TMEM117: variants seen among roughly 807,000 people sequenced by gnomAD.
The protein encoded by TMEM117 is transmembrane protein 117.
In TMEM117, 27 loss-of-function variants were observed where a neutral mutation model predicts 52.4. The ratio of observed to expected loss-of-function variants is 0.51; its 90% CI spans 0.38 to 0.71. The LOEUF (loss-of-function observed/expected upper bound fraction) is 0.71. Among genes scored for constraint, TMEM117 ranks in the 30% least tolerant of loss-of-function variants. The probability of loss-of-function intolerance (pLI) is 0.00; values close to 1 mark genes in which losing one functional copy is unlikely to be tolerated. For missense variants in TMEM117, 556 were observed against 630.5 expected, an observed-to-expected ratio of 0.88 and a Z score of 1.26; for synonymous variants, 215 against 206.3, an observed-to-expected ratio of 1.04 and a Z score of -0.36.
chr12:44,061,131 T>G (rs1443461033), intron 3 of TMEM117, among the ~76,000 whole-genome samples: 2 of 152,122 alleles, frequency 1.3e-5, no homozygotes, highest in Admixed American at 1.3e-4. Flanking sequence ...GAGTTGAAAA[T>G]ATTTATTGCA....
chr12:44,198,342 C>T (rs563199079), intron 4 of TMEM117, among the ~76,000 whole-genome samples: 16 of 152,158 alleles, frequency 1.1e-4, no homozygotes, highest in South Asian at 6.2e-4. Context: ...GTAATTTAAG[C>T]GCGTGCATAA....
At chr12:44,392,627 C>T (rs1409834536), downstream of TMEM117, among the ~76,000 whole-genome samples, 2 of 151,600 alleles carry the variant, frequency 1.3e-5, no homozygotes, top group South Asian at 2.1e-4. Flanking sequence ...CACCCATTAA[C>T]TCGTCATTTA....
chr12:44,125,039 G>A (rs562097309), intron 3 of TMEM117, among the ~76,000 whole-genome samples: 1 of 152,086 alleles, frequency 6.6e-6, no homozygotes, highest in Admixed American at 6.6e-5. Flanking sequence ...TGTCTGTCCT[G>A]GGCTTTTTTG....
intron 3 of TMEM117, among the ~76,000 whole-genome samples, chr12:43,958,166 G>C (rs760622931): frequency 2.6e-5 from 4 of 152,168 alleles, no homozygotes; most frequent in Non-Finnish European, 5.9e-5. Context: ...TTAAGTAACA[G>C]TATGCATAGA....
intron 4 of TMEM117, among the ~76,000 whole-genome samples, chr12:44,162,959 A>T (rs1948917528): frequency 6.6e-6 from 1 of 152,222 alleles, no homozygotes. Context: ...GGAAAAATGC[A>T]TATGCAAAAT....
chr12:44,105,273 G>T (rs1314813991), intron 3 of TMEM117, among the ~76,000 whole-genome samples: 1 of 151,702 alleles, frequency 6.6e-6, no homozygotes, highest in Non-Finnish European at 1.5e-5. Context: ...GCTCATCACA[G>T]GCAGTCTTCA....
chr12:44,292,518 T>C (rs1484712954), intron 5 of TMEM117, among the ~76,000 whole-genome samples: 1 of 152,034 alleles, frequency 6.6e-6, no homozygotes, highest in Non-Finnish European at 1.5e-5. Flanking sequence ...AGTTTGTTCT[T>C]CTTTTCCTAG....
chr12:43,848,678 G>A (rs189715929), intron 2 of TMEM117, among the ~76,000 whole-genome samples: 14 of 152,172 alleles, frequency 9.2e-5, no homozygotes, highest in Admixed American at 6.5e-4. Flanking sequence ...TACAGTTAAC[G>A]CAATGATCAC....
the TMEM117 span, among the ~76,000 whole-genome samples, chr12:43,814,992 G>A: frequency 7.4e-3 from 1,130 of 152,066 alleles, 12 homozygotes; most frequent in African/African-American, 0.025. Context: ...TGATCCGCCC[G>A]CCTCGGCCTC....
intron 2 of TMEM117, among the ~76,000 whole-genome samples, chr12:43,885,189 G>A (rs1943969524): frequency 1.3e-5 from 2 of 152,164 alleles, no homozygotes; most frequent in Non-Finnish European, 2.9e-5. Flanking sequence ...AGAGCAGGAT[G>A]TCCACCTGAC....
At chr12:43,994,244 T>C (rs1431335118) in intron 3 of TMEM117, among the ~76,000 whole-genome samples, 2 of 152,202 alleles carry the variant, frequency 1.3e-5, no homozygotes, top group Admixed American at 6.5e-5. Flanking sequence ...AACATTGTTA[T>C]TTTTGTGCTT....
At chr12:43,806,415 G>C in the TMEM117 span, 2 of 1,151,298 alleles carry the variant, frequency 1.7e-6, no homozygotes, top group Non-Finnish European at 2.1e-6. Flanking sequence ...CCGCCGCCCC[G>C]CCGCCCTTCC....
At chr12:44,245,756 G>A (rs920058518) in intron 5 of TMEM117, among the ~76,000 whole-genome samples, 1 of 151,980 alleles carries the variant, frequency 6.6e-6, no homozygotes, top group African/African-American at 2.4e-5. Flanking sequence ...ACTCTGGATA[G>A]TATAGTAAGA....
intron 3 of TMEM117, among the ~76,000 whole-genome samples, chr12:44,012,712 C>G (rs1005773210): frequency 6.6e-6 from 1 of 152,094 alleles, no homozygotes; most frequent in African/African-American, 2.4e-5. Context: ...TCTGTTCTTG[C>G]AAGTTATTTT....
the TMEM117 span, chr12:43,806,477 T>C: frequency 2.3e-6 from 2 of 873,958 alleles, no homozygotes; most frequent in Middle Eastern, 4.7e-4. Context: ...AGTTCTCTGC[T>C]TGGGGTCCTG....
chr12:43,806,187 C>T, the TMEM117 span: 62 of 1,484,854 alleles, frequency 4.2e-5, 3 homozygotes, highest in South Asian at 7.2e-4. Context: ...CTCCCGGAAG[C>T]CCCTTCCCTG....
intron 4 of TMEM117, among the ~76,000 whole-genome samples, chr12:44,158,645 A>T (rs1048253998): frequency 6.6e-6 from 1 of 152,188 alleles, no homozygotes; most frequent in Non-Finnish European, 1.5e-5. Context: ...ATGGCATCTT[A>T]AAAAATTTAA....
intron 4 of TMEM117, among the ~76,000 whole-genome samples, chr12:44,181,725 G>A (rs1949202577): frequency 6.6e-6 from 1 of 150,672 alleles, no homozygotes; most frequent in Non-Finnish European, 1.5e-5. Context: ...CTCTGTTTTG[G>A]TACCAGTACC....
intron 3 of TMEM117, among the ~76,000 whole-genome samples, chr12:43,954,966 C>A (rs767238432): frequency 1.3e-5 from 2 of 152,180 alleles, no homozygotes; most frequent in Non-Finnish European, 2.9e-5. Flanking sequence ...CCCCAGGATG[C>A]AAGGCTGGTT....
Sources: gnomAD v4.1 joint callset for allele counts (sites outside exome capture counted in the v4.1 genomes callset) on GRCh38, gnomAD v4.1.1 for gene constraint, MANE v1.5 for transcripts, NCBI Gene and HGNC (gene_info 2026-07-23, HGNC 2026-07-21) for gene names.